UBE2V2: variants seen among roughly 807,000 people sequenced by gnomAD.
The protein encoded by UBE2V2 is ubiquitin-conjugating enzyme E2 variant 2.
In UBE2V2, 9 loss-of-function variants were observed where a neutral mutation model predicts 17.2. The observed-to-expected ratio is 0.52, with a 90% CI of 0.32 to 0.91. The LOEUF is 0.91. UBE2V2 is among the 40% of genes least tolerant of loss of function. UBE2V2 has a pLI of 0.04. For missense variants in UBE2V2, 133 were observed against 182.6 expected (o/e 0.73, Z 1.56); for synonymous variants, 61 against 57.5 (o/e 1.06, Z -0.28).
chr8:48,042,054 A>C (rs996120242), intron 1 of UBE2V2: 1 of 152,216 alleles, frequency 6.6e-6, no homozygotes, highest in South Asian at 2.1e-4. Flanking sequence ...CGGCCTCCCA[A>C]AGTGCTGGGA....
intron 1 of UBE2V2, among the ~76,000 whole-genome samples, chr8:48,010,373 G>A (rs968921345): frequency 6.6e-6 from 1 of 150,822 alleles, no homozygotes; most frequent in Non-Finnish European, 1.5e-5. Flanking sequence ...TGGATTACAG[G>A]GGTGAGCCAC....
chr8:48,039,972 G>C (rs1357705737), intron 1 of UBE2V2, among the ~76,000 whole-genome samples: 1 of 151,748 alleles, frequency 6.6e-6, no homozygotes, highest in Non-Finnish European at 1.5e-5. Context: ...TCAGTTGATT[G>C]GCCTACCTTT....
chr8:48,008,971 G>A (rs1264138272), intron 1 of UBE2V2, among the ~76,000 whole-genome samples: 1 of 152,152 alleles, frequency 6.6e-6, no homozygotes, highest in African/African-American at 2.4e-5. Context: ...AGAGCGAGAG[G>A]ATCTTTCTTA....
chr8:48,008,286 G>T (rs2091198755), upstream of UBE2V2: 6 of 753,100 alleles, frequency 8.0e-6, no homozygotes, highest in Admixed American at 4.4e-5. Context: ...TGCGGAAACA[G>T]CAGCGAGGCC....
intron 1 of UBE2V2, among the ~76,000 whole-genome samples, chr8:48,012,667 G>A (rs1020385730): frequency 5.3e-5 from 8 of 151,680 alleles, no homozygotes; most frequent in African/African-American, 1.7e-4. Flanking sequence ...GTGGTGAGCC[G>A]AGAGCACGCC....
chr8:48,038,928 ATT>A (rs757136193), intron 1 of UBE2V2, among the ~76,000 whole-genome samples: 18 of 127,290 alleles, frequency 1.4e-4, no homozygotes, highest in African/African-American at 1.2e-4. Context: ...AATAATCCTG[ATT>A]TTTTTTTTTT....
At chr8:48,008,790 A>G (rs1028258817) in intron 1 of UBE2V2, among the ~76,000 whole-genome samples, 3 of 151,880 alleles carry the variant, frequency 2.0e-5, no homozygotes, top group African/African-American at 7.2e-5. Flanking sequence ...GAGGGAGGCG[A>G]GGAGGCCCAA....
chr8:48,004,296 T>C (rs770747084), upstream of UBE2V2, among the ~76,000 whole-genome samples: 5 of 152,202 alleles, frequency 3.3e-5, no homozygotes, highest in Non-Finnish European at 5.9e-5. Context: ...AAGTATATAA[T>C]GCTGAGGTCA....
At chr8:48,026,242 C>T (rs967452279) in intron 1 of UBE2V2, among the ~76,000 whole-genome samples, 11 of 151,986 alleles carry the variant, frequency 7.2e-5, no homozygotes, top group African/African-American at 2.4e-4. Context: ...ACCCGGGCTT[C>T]TTATTCTCTC....
At chr8:48,018,219 A>G (rs2091283116) in intron 1 of UBE2V2, among the ~76,000 whole-genome samples, 1 of 152,190 alleles carries the variant, frequency 6.6e-6, no homozygotes, top group Non-Finnish European at 1.5e-5. Context: ...AAAGAAATAC[A>G]AGGCATCTTA....
chr8:48,015,354 G>GC (rs1342868219), intron 1 of UBE2V2, among the ~76,000 whole-genome samples: 5 of 152,094 alleles, frequency 3.3e-5, no homozygotes, highest in African/African-American at 1.2e-4. Context: ...TCCTGCCTGG[G>GC]CGACAGAGCA....
chr8:48,055,917 C>T (rs1038584981), intron 3 of UBE2V2, among the ~76,000 whole-genome samples: 6 of 151,554 alleles, frequency 4.0e-5, no homozygotes, highest in East Asian at 1.9e-4. Flanking sequence ...CGCCACCACA[C>T]GGGGCTAATT....
chr8:48,024,958 C>T (rs1383637192), intron 1 of UBE2V2, among the ~76,000 whole-genome samples: 8 of 143,724 alleles, frequency 5.6e-5, no homozygotes, highest in Admixed American at 2.1e-4. Context: ...TTTTTTAGAA[C>T]GAGTCTTGTT....
chr8:48,047,288 G>C (rs932368660), intron 2 of UBE2V2, among the ~76,000 whole-genome samples: 2 of 152,074 alleles, frequency 1.3e-5, no homozygotes, highest in Non-Finnish European at 2.9e-5. Flanking sequence ...GGATTTATAT[G>C]ATTAGCAGTT....
intron 1 of UBE2V2, among the ~76,000 whole-genome samples, chr8:48,020,362 T>C (rs965194374): frequency 2.0e-5 from 3 of 152,304 alleles, no homozygotes; most frequent in South Asian, 2.1e-4. Flanking sequence ...TCTTTTTCCA[T>C]TCCTTCACCT....
chr8:48,031,224 ACC>A (rs34892725), intron 1 of UBE2V2, among the ~76,000 whole-genome samples: 2 of 151,556 alleles, frequency 1.3e-5, no homozygotes, highest in Non-Finnish European at 2.9e-5. Context: ...AAACAAACAA[ACC>A]CCCCCCAACA....
At chr8:48,006,444 G>A (rs1439784296), upstream of UBE2V2, among the ~76,000 whole-genome samples, 1 of 152,088 alleles carries the variant, frequency 6.6e-6, no homozygotes, top group Non-Finnish European at 1.5e-5. Context: ...AAGTCAGGTA[G>A]GTAGTGTGAT....
At chr8:48,020,225 TG>T in intron 1 of UBE2V2, among the ~76,000 whole-genome samples, 1 of 152,184 alleles carries the variant, frequency 6.6e-6, no homozygotes, top group Non-Finnish European at 1.5e-5. Flanking sequence ...TTTGTAGAGA[TG>T]GGGTCTCAAC....
upstream of UBE2V2, among the ~76,000 whole-genome samples, chr8:48,007,056 ATT>A (rs1256659988): frequency 5.1e-5 from 7 of 136,992 alleles, no homozygotes; most frequent in African/African-American, 8.0e-5. Context: ...AATTTTTTGT[ATT>A]TTTTTTTTTT....
Sources: gnomAD v4.1 joint callset for allele counts (sites outside exome capture counted in the v4.1 genomes callset) on GRCh38, gnomAD v4.1.1 for gene constraint, MANE v1.5 for transcripts, NCBI Gene and HGNC (gene_info 2026-07-23, HGNC 2026-07-21) for gene names.